Variants in KLRG1 observed in about 807,000 individuals in gnomAD.
The protein encoded by KLRG1 is killer cell lectin-like receptor subfamily G member 1.
In KLRG1, 16 loss-of-function variants were observed where a neutral mutation model predicts 21.8. That is an observed-to-expected ratio of 0.73 (90% confidence interval 0.50 to 1.11). KLRG1 has a LOEUF of 1.11. Among genes scored for constraint, KLRG1 ranks in the 50% most tolerant of loss-of-function variants. The probability of loss-of-function intolerance (pLI) is 0.00; values close to 1 mark genes in which losing one functional copy is unlikely to be tolerated. For missense variants in KLRG1, 173 were observed against 218.3 expected (o/e 0.79, Z 1.31); for synonymous variants, 69 against 75.9 (o/e 0.91, Z 0.47).
chr12:8,951,550 A>G (rs1946205493), intron 1 of KLRG1, among the ~76,000 whole-genome samples: 1 of 152,234 alleles, frequency 6.6e-6, no homozygotes, highest in Admixed American at 6.5e-5. Flanking sequence ...ATTTAGTTCT[A>G]TGCATTGCTA....
the KLRG1 span, among the ~76,000 whole-genome samples, chr12:9,144,809 G>A: frequency 1.3e-5 from 2 of 152,242 alleles, no homozygotes; most frequent in South Asian, 4.2e-4. Flanking sequence ...CTTGGGGCAG[G>A]CATATCTCTG....
At chr12:9,067,817 T>C in the KLRG1 span, 4 of 1,612,834 alleles carry the variant, frequency 2.5e-6, no homozygotes, top group Non-Finnish European at 3.4e-6. Flanking sequence ...TTCAGCCTTG[T>C]GGTCTTCAAG....
the KLRG1 span, chr12:9,115,573 T>G: frequency 7.4e-6 from 4 of 542,738 alleles, no homozygotes; most frequent in African/African-American, 1.9e-5. Flanking sequence ...ATATTAGAGC[T>G]TCAGAGAGTT....
the KLRG1 span, among the ~76,000 whole-genome samples, chr12:9,149,912 C>T: frequency 3.3e-5 from 5 of 152,132 alleles, no homozygotes; most frequent in Admixed American, 2.6e-4. Context: ...TCACTTTGTT[C>T]AGCTTGCTCC....
intron 1 of KLRG1, among the ~76,000 whole-genome samples, chr12:8,955,546 T>C (rs1946277852): frequency 6.6e-6 from 1 of 151,498 alleles, no homozygotes; most frequent in Non-Finnish European, 1.5e-5. Context: ...TGTGCTACCA[T>C]GCTAGGATAA....
At chr12:9,179,889 T>A in the KLRG1 span, among the ~76,000 whole-genome samples, 1 of 152,224 alleles carries the variant, frequency 6.6e-6, no homozygotes, top group South Asian at 2.1e-4. Flanking sequence ...ATAGAAGGAA[T>A]CAAAGTTGCA....
At chr12:9,175,890 G>T in the KLRG1 span, among the ~76,000 whole-genome samples, 1 of 152,186 alleles carries the variant, frequency 6.6e-6, no homozygotes, top group Non-Finnish European at 1.5e-5. Context: ...CACTGTGGAA[G>T]AAAGTGTGGT....
At chr12:8,973,925 A>G (rs958689405) in intron 1 of KLRG1, among the ~76,000 whole-genome samples, 4 of 152,106 alleles carry the variant, frequency 2.6e-5, no homozygotes, top group African/African-American at 9.7e-5. Flanking sequence ...CAACTTTACT[A>G]GTTCTAATAC....
the KLRG1 span, chr12:9,166,063 CAACT>C: frequency 6.2e-7 from 1 of 1,606,360 alleles, no homozygotes; most frequent in African/African-American, 1.3e-5. Context: ...TCACTGCCAC[CAACT>C]CCCAGATCCA....
chr12:9,035,445 CAG>C, the KLRG1 span, among the ~76,000 whole-genome samples: 1 of 151,442 alleles, frequency 6.6e-6, no homozygotes, highest in African/African-American at 2.4e-5. Flanking sequence ...CAGGGCCTGT[CAG>C]GGGGTAGGGA....
At chr12:8,990,551 T>G (rs1946937966) in intron 1 of KLRG1, among the ~76,000 whole-genome samples, 1 of 152,188 alleles carries the variant, frequency 6.6e-6, no homozygotes, top group Non-Finnish European at 1.5e-5. Flanking sequence ...CCTATTTCTA[T>G]TACCATAAAT....
At chr12:9,054,630 T>C in the KLRG1 span, among the ~76,000 whole-genome samples, 1 of 152,296 alleles carries the variant, frequency 6.6e-6, no homozygotes, top group South Asian at 2.1e-4. Flanking sequence ...TAAATTACTG[T>C]TTACTATAGT....
At chr12:9,074,363 G>A in the KLRG1 span, among the ~76,000 whole-genome samples, 14 of 152,068 alleles carry the variant, frequency 9.2e-5, no homozygotes, top group African/African-American at 2.9e-4. Flanking sequence ...ATGGGGTGCC[G>A]GGATTCTGAG....
At chr12:9,150,186 A>G in the KLRG1 span, among the ~76,000 whole-genome samples, 1 of 152,258 alleles carries the variant, frequency 6.6e-6, no homozygotes, top group Admixed American at 6.5e-5. Context: ...ACTTGAAAGC[A>G]GTGACTATAT....
At chr12:9,110,318 A>G in the KLRG1 span, 2 of 1,463,310 alleles carry the variant, frequency 1.4e-6, no homozygotes, top group South Asian at 1.3e-5. Context: ...GCTTACCTGA[A>G]TGTATACTAG....
chr12:9,178,252 T>C, the KLRG1 span, among the ~76,000 whole-genome samples: 2 of 152,232 alleles, frequency 1.3e-5, no homozygotes, highest in African/African-American at 4.8e-5. Flanking sequence ...AGCAGCATGA[T>C]GAAATCTCAC....
At chr12:9,015,448 A>C (rs182477129), downstream of KLRG1, among the ~76,000 whole-genome samples, 465 of 152,328 alleles carry the variant, frequency 3.1e-3, 2 homozygotes, top group Non-Finnish European at 5.6e-3. Context: ...TCAATTCAGC[A>C]AGAGGATATA....
chr12:9,007,620 C>T lies in KLRG1; in HGVS notation c.358-1355C>T, dbSNP rs1271409410. On this transcript the variant is annotated intron_variant, in intron 3 of 4. Transcript: ENST00000356986. ...TCTTTATTTGTGCTGATGCAGGGTC[C>T]AAGTAGGCAAAGAGACAGTTAAGAG... 2.6e-5 allele frequency among the ~76,000 whole-genome samples: 4 copies of T among 151,932 alleles called. No individual in the cohort carries two copies. The East Asian group carries it at 7.7e-4, about 29-fold the overall frequency.
chr12:8,959,409 C>G (rs2041625), intron 1 of KLRG1, among the ~76,000 whole-genome samples: 9 of 151,964 alleles, frequency 5.9e-5, no homozygotes, highest in Non-Finnish European at 1.0e-4. Flanking sequence ...AGGAAATGAC[C>G]TGGCTGTGTG....
Sources: gnomAD v4.1 joint callset for allele counts (sites outside exome capture counted in the v4.1 genomes callset) on GRCh38, gnomAD v4.1.1 for gene constraint, MANE v1.5 for transcripts, NCBI Gene and HGNC (gene_info 2026-07-23, HGNC 2026-07-21) for gene names.